NOD1: variants seen among roughly 807,000 people sequenced by gnomAD.
The protein encoded by NOD1 is nucleotide binding oligomerization domain containing 1, also known as nucleotide-binding oligomerization domain-containing protein 1.
In NOD1, 70 loss-of-function variants were observed where a neutral mutation model predicts 81.2. The observed-to-expected ratio is 0.86, with a 90% CI of 0.71 to 1.05. NOD1 has a LOEUF of 1.05. Among genes scored for constraint, NOD1 ranks in the 50% least tolerant of loss-of-function variants. NOD1 has a pLI of 0.00. For synonymous variants in NOD1, 508 were observed against 526.9 expected (o/e 0.96, Z 0.49); for missense variants, 1,233 against 1,228.0 (o/e 1.00, Z -0.06).
At chr7:30,435,208 G>A (rs1334526760) in intron 11 of NOD1, among the ~76,000 whole-genome samples, 1 of 152,222 alleles carries the variant, frequency 6.6e-6, no homozygotes, top group Non-Finnish European at 1.5e-5. Flanking sequence ...CTAGAGTGCA[G>A]AGAGGGAGCG....
At chr7:30,425,835 A>G in intron 13 of NOD1, 125 bp from the exon 14 acceptor site, 1 of 741,466 alleles carries the variant, frequency 1.3e-6, no homozygotes, top group Non-Finnish European at 2.5e-6. Flanking sequence ...CCCTGAAATT[A>G]AGGAACATAC....
At chr7:30,457,154 G>GGA in intron 3 of NOD1, 112 bp from the exon 4 acceptor site, 1 of 535,442 alleles carries the variant, frequency 1.9e-6, no homozygotes. Context: ...CCATGCTTAA[G>GGA]ACCTTTATCT....
intron 9 of NOD1, 141 bp from the exon 10 acceptor site, chr7:30,437,797 C>T (rs1784512511): frequency 5.1e-6 from 3 of 587,292 alleles, no homozygotes; most frequent in African/African-American, 2.0e-5. Context: ...GTGGCCTGGA[C>T]ACTAATTCCT....
intron 1 of NOD1, among the ~76,000 whole-genome samples, chr7:30,470,139 G>A (rs968585073): frequency 6.6e-6 from 1 of 152,240 alleles, no homozygotes; most frequent in Non-Finnish European, 1.5e-5. Context: ...CCAGCTATGT[G>A]ACTTGGACAA....
chr7:30,471,705 A>C (rs1330242057), intron 1 of NOD1, among the ~76,000 whole-genome samples: 1 of 152,138 alleles, frequency 6.6e-6, no homozygotes, highest in African/African-American at 2.4e-5. Flanking sequence ...GGGGGCCCTG[A>C]CATTTGGTGC....
Position 30,425,522 on chromosome 7 carries a change from T to G in NOD1, c.*116A>C. 1.3e-6 allele frequency: 1 copy of G among 764,740 alleles called. No individual in the cohort carries two copies. The highest frequency in any genetic ancestry group is 2.5e-5 in the East Asian group (1 of 39,670). The allele number at this position is 764,740 out of a possible 1,614,324, so 47.4% of individuals were successfully genotyped here. The stretch of plus-strand genomic sequence containing the variant: ...GGCTTGCATCATGGAGGCAGTGGAC[T>G]CCTGATAGTCCCGCCTGCGCAGGCC... On this transcript the variant is annotated 3_prime_UTR_variant, in exon 14 of 14. Coordinates refer to ENST00000222823, the MANE Select transcript of NOD1 (RefSeq NM_006092.4).
intron 1 of NOD1, among the ~76,000 whole-genome samples, chr7:30,473,513 C>A (rs1043867509): frequency 6.6e-6 from 1 of 152,174 alleles, no homozygotes; most frequent in African/African-American, 2.4e-5. Context: ...ACTAACATTG[C>A]AACCCACTCT....
At chr7:30,457,776 A>G (rs1238186272) in intron 3 of NOD1, among the ~76,000 whole-genome samples, 1 of 152,216 alleles carries the variant, frequency 6.6e-6, no homozygotes, top group African/African-American at 2.4e-5. Context: ...TAGCCTGAGA[A>G]GAGAGACAGC....
intron 1 of NOD1, among the ~76,000 whole-genome samples, chr7:30,476,211 A>G (rs1474400664): frequency 1.3e-5 from 2 of 152,238 alleles, no homozygotes; most frequent in East Asian, 3.8e-4. Flanking sequence ...TTTTCTTTGA[A>G]TAAGAGATAA....
At chr7:30,464,776 C>G (rs1008431934) in intron 1 of NOD1, among the ~76,000 whole-genome samples, 7 of 152,204 alleles carry the variant, frequency 4.6e-5, no homozygotes, top group Non-Finnish European at 1.0e-4. Flanking sequence ...GCCAGCCTTT[C>G]TGTGCCGTGA....
At chr7:30,437,529 G>T in intron 10 of NOD1, 44 bp downstream of exon 10, 1 of 1,295,860 alleles carries the variant, frequency 7.7e-7, no homozygotes, top group South Asian at 1.7e-5. Context: ...AGAGCAGCTG[G>T]GAGGGACCAG....
At chr7:30,428,401 C>T (rs1562649357) in intron 13 of NOD1, 2 of 152,134 alleles carry the variant, frequency 1.3e-5, no homozygotes. Context: ...GTCTACAACC[C>T]TAAATAAGAA....
At position 30,451,507 on chromosome 7, in the gene NOD1, C is replaced by G; in HGVS notation, c.1910G>C (p.Arg637Pro). Reference protein sequence around the residue: ...SLRGYLKSLPRVQVESFNQVQ... With the variant: ...SLRGYLKSLPPVQVESFNQVQ... ...CTGGTTGAAGCTTTCGACCTGAACGCGGGGCAGGCTCTTCAGGTAGCCCCG... is the reference window on the plus strand; with the variant it reads ...CTGGTTGAAGCTTTCGACCTGAACGGGGGGCAGGCTCTTCAGGTAGCCCCG... The change falls in exon 6 of 14, where the codon CGC becomes CCC. Residue 637 changes from arginine (R) to proline (P), a missense_variant. Transcript: ENST00000222823. The surrounding 1 kb of genome is among the most constrained non-coding windows in gnomAD (Gnocchi z 4.2). The G allele has an allele frequency of 6.2e-7, 1 of 1,613,092 alleles. No individual in the cohort carries two copies. Among genetic ancestry groups the G allele is most frequent in the Non-Finnish European group, 8.5e-7 (1 of 1,179,862 alleles).
chr7:30,427,108 C>T (rs758963771), intron 13 of NOD1, among the ~76,000 whole-genome samples: 8 of 152,190 alleles, frequency 5.3e-5, no homozygotes, highest in African/African-American at 9.7e-5. Context: ...GATGCTCAAG[C>T]GTTTCGTTAT....
intron 13 of NOD1, among the ~76,000 whole-genome samples, chr7:30,426,452 G>C (rs912291809): frequency 1.1e-4 from 16 of 151,372 alleles, no homozygotes; most frequent in African/African-American, 3.9e-4. Context: ...CTATGTCTTT[G>C]GCCGGCCATC....
chr7:30,449,305 G>A (rs79486294), intron 6 of NOD1, among the ~76,000 whole-genome samples: 12,785 of 152,260 alleles, frequency 0.084, 721 homozygotes, highest in South Asian at 0.15. Flanking sequence ...GCCAGCCCAA[G>A]ACAGCACAGG....
intron 1 of NOD1, chr7:30,469,342 A>G (rs1788031148): frequency 5.9e-6 from 4 of 680,732 alleles, no homozygotes; most frequent in Non-Finnish European, 7.3e-6. Flanking sequence ...AGAATTTGAA[A>G]GCAGATGGAA....
chr7:30,466,641 T>C (rs1189171210), intron 1 of NOD1, among the ~76,000 whole-genome samples: 2 of 152,284 alleles, frequency 1.3e-5, no homozygotes, highest in Admixed American at 6.5e-5. Flanking sequence ...TACTCCAGCC[T>C]GGGTGACAAG....
intron 7 of NOD1, 160 bp from the exon 8 acceptor site, chr7:30,447,210 G>T: frequency 8.4e-7 from 1 of 1,188,574 alleles, no homozygotes; most frequent in Non-Finnish European, 1.2e-6. Context: ...CACAGCTCAG[G>T]TTCAAAACCA....
Sources: gnomAD v4.1 joint callset for allele counts (sites outside exome capture counted in the v4.1 genomes callset) on GRCh38, gnomAD v4.1.1 for gene constraint, Gnocchi (gnomAD v3.1) non-coding constraint, MANE v1.5 for transcripts, NCBI Gene and HGNC (gene_info 2026-07-23, HGNC 2026-07-21) for gene names.